Variants in CAMTA1 observed in about 807,000 individuals in gnomAD.
CAMTA1 encodes calmodulin binding transcription activator 1.
Under a neutral mutation model 170.9 loss-of-function variants are expected in CAMTA1, and 27 were observed. The ratio of observed to expected loss-of-function variants is 0.16; its 90% CI spans 0.12 to 0.22. The LOEUF (loss-of-function observed/expected upper bound fraction) is 0.22, where lower values mean the gene tolerates loss of function less well. Ranked by LOEUF, CAMTA1 falls within the 10% of genes least tolerant of loss-of-function variation. The pLI, the probability that CAMTA1 is intolerant of heterozygous loss-of-function variation, is 1.00. For missense variants in CAMTA1, 1,619 were observed against 2,217.2 expected (o/e 0.73, Z 5.42); for synonymous variants, 833 against 891.5 (o/e 0.93, Z 1.17).
chr1:7,559,852 G>A lies in CAMTA1; in HGVS notation c.511-80548G>A, dbSNP rs1343971018. Among the ~76,000 whole-genome samples, 3 of 152,210 alleles carry A rather than the reference G, an allele frequency of 2.0e-5. No individual in the cohort carries two copies. The East Asian group carries it at 5.8e-4, about 29-fold the overall frequency. ...AGCTTCTGGGAGGCCAGGGGAGGGG[G>A]GCCTCAGGGCCTGACTGCAGGAGAA... On this transcript the variant is annotated intron_variant, in intron 6 of 22. Coordinates refer to ENST00000303635, the MANE Select transcript of CAMTA1 (RefSeq NM_015215.4).
At chr1:6,990,835 G>A (rs939163392) in intron 3 of CAMTA1, among the ~76,000 whole-genome samples, 7 of 151,270 alleles carry the variant, frequency 4.6e-5, no homozygotes, top group African/African-American at 1.7e-4. Context: ...ATATATATGT[G>A]TGTGTGTGTT....
At chr1:7,430,129 T>C (rs1189943168) in intron 5 of CAMTA1, among the ~76,000 whole-genome samples, 1 of 152,034 alleles carries the variant, frequency 6.6e-6, no homozygotes, top group East Asian at 1.9e-4. Context: ...TTGATGACAA[T>C]GATGGCAATG....
rs546486538 is a variant in CAMTA1 at position 7,641,366 on chromosome 1, G to A, written c.664+813G>A. On this transcript the variant is annotated intron_variant, in intron 7 of 22. Coordinates refer to ENST00000303635, the MANE Select transcript of CAMTA1 (RefSeq NM_015215.4). This position sits in a 1 kb window ranked among gnomAD's most constrained non-coding sequence, Gnocchi z 4.5. ...CAAGGACCTGCCATCAGCAGGGCCT[G>A]AGGGGGTGGGTCAGTGGCTCACTCA... Among the ~76,000 whole-genome samples, 10 of 152,350 alleles carry A rather than the reference G, an allele frequency of 6.6e-5. No homozygotes were observed. In the South Asian group the frequency reaches 2.1e-3, roughly 32 times the overall value.
intron 5 of CAMTA1, among the ~76,000 whole-genome samples, chr1:7,359,732 T>G (rs2085397968): frequency 6.6e-6 from 1 of 152,104 alleles, no homozygotes; most frequent in Non-Finnish European, 1.5e-5. Flanking sequence ...CCAGCCTGTG[T>G]TCTTGGAATA....
chr1:6,926,805 A>C (rs72638540), intron 3 of CAMTA1, among the ~76,000 whole-genome samples: 3,639 of 149,592 alleles, frequency 0.024, 72 homozygotes, highest in Middle Eastern at 0.041. Flanking sequence ...ATTGCAGCTC[A>C]CTGCAGCCTT....
intron 6 of CAMTA1, among the ~76,000 whole-genome samples, chr1:7,582,527 A>G (rs60818090): frequency 0.076 from 11,582 of 152,120 alleles, 1,474 homozygotes; most frequent in African/African-American, 0.27. Context: ...GTAAACAGAC[A>G]CAGTCAAGGG....
At chr1:6,830,328 G>GCCA (rs1255371740) in intron 3 of CAMTA1, among the ~76,000 whole-genome samples, 1 of 148,438 alleles carries the variant, frequency 6.7e-6, no homozygotes, top group African/African-American at 2.5e-5. Flanking sequence ...ACAGGGGTGA[G>GCCA]CCACCGCACC....
intron 3 of CAMTA1, among the ~76,000 whole-genome samples, chr1:6,902,077 A>AAAT (rs1553180468): frequency 7.1e-5 from 5 of 70,874 alleles, no homozygotes; most frequent in Admixed American, 2.9e-4. Context: ...ACACACAAAA[A>AAAT]AAAAAATAAA....
At chr1:7,019,095 C>T (rs976707491) in intron 3 of CAMTA1, among the ~76,000 whole-genome samples, 5 of 152,156 alleles carry the variant, frequency 3.3e-5, no homozygotes, top group African/African-American at 7.2e-5. Flanking sequence ...GGCCCTGGCC[C>T]GGGAGTGGAG....
At chr1:7,382,830 TG>T (rs1208875024) in intron 5 of CAMTA1, 4 of 149,186 alleles carry the variant, frequency 2.7e-5, no homozygotes, top group Non-Finnish European at 4.5e-5. Context: ...GCTTCCTAGA[TG>T]ATAGATAGAT....
At chr1:7,650,738 T>C (rs867752739) in intron 7 of CAMTA1, among the ~76,000 whole-genome samples, 3 of 152,182 alleles carry the variant, frequency 2.0e-5, no homozygotes, top group Middle Eastern at 3.4e-3. Context: ...TTTCTGAAAA[T>C]TTTGTCCTCA....
At chr1:7,735,990 G>A (rs569629254) in intron 12 of CAMTA1, among the ~76,000 whole-genome samples, 1 of 152,034 alleles carries the variant, frequency 6.6e-6, no homozygotes, top group South Asian at 2.1e-4. Flanking sequence ...GGCCAGGCTG[G>A]TCTCGAACTC....
intron 5 of CAMTA1, among the ~76,000 whole-genome samples, chr1:7,360,382 T>G (rs2085449024): frequency 6.6e-6 from 1 of 152,228 alleles, no homozygotes; most frequent in Non-Finnish European, 1.5e-5. Context: ...CCTACACTGA[T>G]GCACTGGAGT....
At chr1:7,614,383 C>G (rs1423002525) in intron 6 of CAMTA1, among the ~76,000 whole-genome samples, 1 of 151,478 alleles carries the variant, frequency 6.6e-6, no homozygotes, top group Non-Finnish European at 1.5e-5. Context: ...ATTCCAGAGA[C>G]AAACAGGGAG....
intron 5 of CAMTA1, among the ~76,000 whole-genome samples, chr1:7,257,078 G>GGGA (rs1026534396): frequency 1.5e-5 from 2 of 131,712 alleles, no homozygotes; most frequent in Admixed American, 1.4e-4. Flanking sequence ...TCGCATGGCG[G>GGGA]GGGCGGGGGT....
At chr1:7,035,458 C>G (rs1703450373) in intron 3 of CAMTA1, among the ~76,000 whole-genome samples, 1 of 152,024 alleles carries the variant, frequency 6.6e-6, no homozygotes, top group African/African-American at 2.4e-5. Context: ...GTAAAACTGG[C>G]AAAGCGTGTG....
At chr1:7,679,468 G>A (rs924555325) in intron 11 of CAMTA1, among the ~76,000 whole-genome samples, 14 of 152,130 alleles carry the variant, frequency 9.2e-5, no homozygotes, top group African/African-American at 3.1e-4. Context: ...AAACCGGGGG[G>A]AAGGGGAGCC....
At chr1:7,720,731 CT>C (rs1386426256) in intron 11 of CAMTA1, among the ~76,000 whole-genome samples, 2 of 152,192 alleles carry the variant, frequency 1.3e-5, no homozygotes, top group Non-Finnish European at 2.9e-5. Context: ...AAAAGTGACA[CT>C]GCTGGGAAGT....
At chr1:7,413,968 G>T (rs548794998) in intron 5 of CAMTA1, among the ~76,000 whole-genome samples, 8 of 152,018 alleles carry the variant, frequency 5.3e-5, no homozygotes, top group Non-Finnish European at 7.4e-5. Context: ...TAGCATGAAG[G>T]GTTGTTGAAT....
Sources: gnomAD v4.1 joint callset for allele counts (sites outside exome capture counted in the v4.1 genomes callset) on GRCh38, gnomAD v4.1.1 for gene constraint, Gnocchi (gnomAD v3.1) non-coding constraint, MANE v1.5 for transcripts, NCBI Gene and HGNC (gene_info 2026-07-23, HGNC 2026-07-21) for gene names.